The following PDE4D variants were observed in gnomAD, a reference collection of about 807,000 sequenced individuals.
PDE4D encodes the protein 3',5'-cyclic-AMP phosphodiesterase 4D.
In PDE4D, 24 loss-of-function variants were observed where a neutral mutation model predicts 87.4. The ratio of observed to expected loss-of-function variants is 0.27; its 90% CI spans 0.20 to 0.39. PDE4D has a LOEUF of 0.39. Ranked by LOEUF, PDE4D falls within the 10% of genes least tolerant of loss-of-function variation. The pLI, the probability that PDE4D is intolerant of heterozygous loss-of-function variation, is 1.00. For missense variants in PDE4D, 714 were observed against 1,041.0 expected (o/e 0.69, Z 4.32); for synonymous variants, 384 against 383.2 (o/e 1.00, Z -0.02).
intron 1 of PDE4D, among the ~76,000 whole-genome samples, chr5:59,395,536 GA>G (rs1244088601): frequency 6.6e-6 from 1 of 151,716 alleles, no homozygotes; most frequent in African/African-American, 2.4e-5. Flanking sequence ...CTGTTAGAAG[GA>G]AAACTAACAA....
At position 59,298,445 on chromosome 5, in the gene PDE4D, C is replaced by G. The variant is rs895455729; in HGVS notation, c.456-82477G>C. ...TGTAACTTTTAAAGTTTCCTCTCAC[C>G]TTGGGATTCCAGGCCTCTCTTTTGG... is the stretch of plus-strand genomic sequence containing the variant. On this transcript the variant is annotated intron_variant, in intron 1 of 14. Transcript: ENST00000340635. Among the ~76,000 whole-genome samples, 25 of 152,044 alleles carry G rather than the reference C, an allele frequency of 1.6e-4. 1 individual carries two copies. Among genetic ancestry groups the G allele is most frequent in the African/African-American group, 5.8e-4 (24 of 41,416 alleles).
At chr5:59,233,747 A>T (rs982138758) in intron 1 of PDE4D, among the ~76,000 whole-genome samples, 1 of 152,160 alleles carries the variant, frequency 6.6e-6, no homozygotes, top group Non-Finnish European at 1.5e-5. Context: ...CACCTTAGAG[A>T]TCAAACTCAA....
intron 1 of PDE4D, among the ~76,000 whole-genome samples, chr5:59,873,251 G>A (rs1450836466): frequency 1.3e-5 from 2 of 152,212 alleles, no homozygotes; most frequent in African/African-American, 2.4e-5. Flanking sequence ...GTACCCAGAT[G>A]ACACAGATTT....
intron 1 of PDE4D, among the ~76,000 whole-genome samples, chr5:59,363,421 T>C (rs1227034914): frequency 6.6e-6 from 1 of 152,186 alleles, no homozygotes; most frequent in African/African-American, 2.4e-5. Flanking sequence ...GAGGTTAAAA[T>C]TGAGGTCCCT....
chr5:60,172,832 C>A (rs1783591504), intron 2 of PDE4D, among the ~76,000 whole-genome samples: 1 of 152,074 alleles, frequency 6.6e-6, no homozygotes, highest in African/African-American at 2.4e-5. Context: ...ACTGCCGCTC[C>A]CCAAACTTCA....
At chr5:59,951,838 A>C (rs762384236) in intron 3 of PDE4D, among the ~76,000 whole-genome samples, 1 of 152,158 alleles carries the variant, frequency 6.6e-6, no homozygotes, top group Non-Finnish European at 1.5e-5. Flanking sequence ...TAGAGAAACA[A>C]TTTTACCTCA....
At chr5:60,163,268 C>G (rs1001425368) in intron 2 of PDE4D, among the ~76,000 whole-genome samples, 1 of 152,120 alleles carries the variant, frequency 6.6e-6, no homozygotes, top group African/African-American at 2.4e-5. Context: ...CCATTTCTAT[C>G]CCTATTTTCT....
At chr5:59,516,645 A>AT (rs1468261081) in intron 1 of PDE4D, among the ~76,000 whole-genome samples, 7 of 152,186 alleles carry the variant, frequency 4.6e-5, no homozygotes, top group Admixed American at 6.5e-5. Flanking sequence ...ATTGCAGAAT[A>AT]TTTTTAAAAT....
chr5:59,411,486 T>A (rs772973266), intron 1 of PDE4D, among the ~76,000 whole-genome samples: 3 of 152,224 alleles, frequency 2.0e-5, no homozygotes, highest in Non-Finnish European at 2.9e-5. Context: ...TTGTCAGTGT[T>A]CTACAGTTTG....
chr5:59,493,890 G>A (rs142419415), intron 1 of PDE4D, among the ~76,000 whole-genome samples: 6 of 152,296 alleles, frequency 3.9e-5, no homozygotes, highest in East Asian at 3.9e-4. Context: ...TGGAACATAC[G>A]TCTGAGCATA....
chr5:59,972,139 C>G (rs1760836520), intron 3 of PDE4D, among the ~76,000 whole-genome samples: 1 of 152,162 alleles, frequency 6.6e-6, no homozygotes, highest in Non-Finnish European at 1.5e-5. Flanking sequence ...AAAGTCCTGG[C>G]TAGGAACATC....
chr5:59,513,482 G>A (rs1321763358), intron 1 of PDE4D, among the ~76,000 whole-genome samples: 1 of 152,146 alleles, frequency 6.6e-6, no homozygotes, highest in Non-Finnish European at 1.5e-5. Flanking sequence ...CATCAGAGCT[G>A]ACAGAGAGGT....
chr5:59,723,417 A>C (rs1756136860), intron 1 of PDE4D, among the ~76,000 whole-genome samples: 1 of 152,186 alleles, frequency 6.6e-6, no homozygotes, highest in South Asian at 2.1e-4. Flanking sequence ...CATTTAACAC[A>C]GAGCCTAGAA....
chr5:59,912,280 T>C (rs1753537667), intron 3 of PDE4D, among the ~76,000 whole-genome samples: 1 of 152,212 alleles, frequency 6.6e-6, no homozygotes, highest in Non-Finnish European at 1.5e-5. Flanking sequence ...CAGCTTATTT[T>C]TCTGATAAGA....
Position 60,510,363 on chromosome 5 carries a change from T to A in PDE4D, n.70+11688A>T, listed in dbSNP as rs189237987. ...GTTTCCATCTCAAGGTTTCTTTCTA[T>A]ACCTAGTCTCCCTACCTTAGAACAC... is the stretch of plus-strand genomic sequence containing the variant. On this transcript the variant is annotated intron_variant and non_coding_transcript_variant, in intron 1 of 2. Coordinates refer to the PDE4D transcript ENST00000506510. Among the ~76,000 whole-genome samples, 1,111 of 152,288 alleles carry A rather than the reference T, an allele frequency of 7.3e-3. 13 individuals carry two copies. The highest frequency in any genetic ancestry group is 0.013 in the Non-Finnish European group (856 of 68,010).
At chr5:59,187,745 G>A (rs1743249859) in intron 3 of PDE4D, among the ~76,000 whole-genome samples, 1 of 152,104 alleles carries the variant, frequency 6.6e-6, no homozygotes, top group Non-Finnish European at 1.5e-5. Flanking sequence ...AGGCATGCCA[G>A]TATTAGATTA....
chr5:59,681,813 G>T (rs1749058594), intron 1 of PDE4D, among the ~76,000 whole-genome samples: 1 of 148,062 alleles, frequency 6.8e-6, no homozygotes, highest in Non-Finnish European at 1.5e-5. Context: ...TGAGGCAGGA[G>T]AATGGCGAAC....
At chr5:60,415,574 G>A (rs535549519) in intron 1 of PDE4D, among the ~76,000 whole-genome samples, 8 of 152,326 alleles carry the variant, frequency 5.3e-5, no homozygotes, top group Admixed American at 3.3e-4. Flanking sequence ...CCGCCACCCC[G>A]GGCAGTGAGG....
intron 1 of PDE4D, among the ~76,000 whole-genome samples, chr5:59,750,017 C>T (rs1193493445): frequency 6.6e-6 from 1 of 151,810 alleles, no homozygotes; most frequent in African/African-American, 2.4e-5. Context: ...TTCTTTCTCA[C>T]TCTTCACATC....
Sources: gnomAD v4.1 joint callset for allele counts (sites outside exome capture counted in the v4.1 genomes callset) on GRCh38, gnomAD v4.1.1 for gene constraint, MANE v1.5 for transcripts, NCBI Gene and HGNC (gene_info 2026-07-23, HGNC 2026-07-21) for gene names.